Variants in ARHGAP32 observed in about 807,000 individuals in gnomAD.
ARHGAP32 encodes the protein Rho GTPase activating protein 32, also known as rho GTPase-activating protein 32.
In ARHGAP32, 51 loss-of-function variants were observed where a neutral mutation model predicts 186.5. The ratio of observed to expected loss-of-function variants is 0.27; its 90% CI spans 0.22 to 0.35. The LOEUF is 0.35. Ranked by LOEUF, ARHGAP32 falls within the 10% of genes least tolerant of loss-of-function variation. ARHGAP32 has a pLI of 1.00. For missense variants in ARHGAP32, 2,186 were observed against 2,623.5 expected (o/e 0.83, Z 3.64); for synonymous variants, 950 against 964.3 (o/e 0.99, Z 0.27).
At chr11:129,066,633 T>C in intron 7 of ARHGAP32, 98 bp downstream of exon 7, 1 of 1,117,832 alleles carries the variant, frequency 8.9e-7, no homozygotes, top group Non-Finnish European at 1.2e-6. Context: ...GGAATCACCC[T>C]GCGTGTTCAG....
At chr11:129,024,227 C>T in intron 11 of ARHGAP32, 6 of 964,762 alleles carry the variant, frequency 6.2e-6, no homozygotes, top group Non-Finnish European at 7.4e-6. Flanking sequence ...CCTAAACTCA[C>T]ACTTGCAGAA....
chr11:129,179,787 A>C (rs769790563), intron 1 of ARHGAP32, among the ~76,000 whole-genome samples: 26 of 147,930 alleles, frequency 1.8e-4, no homozygotes, highest in Admixed American at 3.4e-4. Flanking sequence ...CACTCTGGGG[A>C]CTGTTGTGGG....
At chr11:129,099,529 A>G (rs775710944) in intron 5 of ARHGAP32, among the ~76,000 whole-genome samples, 1 of 152,168 alleles carries the variant, frequency 6.6e-6, no homozygotes, top group African/African-American at 2.4e-5. Context: ...ATGCATTACT[A>G]TATATGGTGG....
intron 2 of ARHGAP32, among the ~76,000 whole-genome samples, chr11:129,150,206 C>A (rs529949369): frequency 4.3e-4 from 65 of 151,412 alleles, no homozygotes; most frequent in African/African-American, 1.5e-3. Flanking sequence ...ATAGGTGTTC[C>A]TGAGGAAGAA....
intron 8 of ARHGAP32, 139 bp downstream of exon 8, chr11:129,064,702 C>T (rs1940628278): frequency 8.1e-6 from 5 of 616,428 alleles, no homozygotes; most frequent in Non-Finnish European, 1.1e-5. Flanking sequence ...TATCACGTAT[C>T]TATCCTCCCA....
intron 11 of ARHGAP32, among the ~76,000 whole-genome samples, chr11:129,030,297 G>A (rs761634603): frequency 1.3e-5 from 2 of 152,162 alleles, no homozygotes; most frequent in Non-Finnish European, 2.9e-5. Flanking sequence ...AGCAAAAAGT[G>A]TTGGAAACTG....
At chr11:129,040,636 T>G (rs894592163) in intron 11 of ARHGAP32, among the ~76,000 whole-genome samples, 8 of 152,224 alleles carry the variant, frequency 5.3e-5, no homozygotes, top group Admixed American at 5.2e-4. Context: ...ACCTATTTTT[T>G]AAATCATTTT....
intron 1 of ARHGAP32, among the ~76,000 whole-genome samples, chr11:129,275,832 T>G (rs573143143): frequency 6.6e-6 from 1 of 152,382 alleles, no homozygotes; most frequent in African/African-American, 2.4e-5. Flanking sequence ...TAAAAATCAT[T>G]CTTAGCCATG....
rs549440971 is a variant in ARHGAP32, at chr11:129,177,061, G to C, written c.117-12634C>G. On this transcript the variant is annotated intron_variant, in intron 1 of 22. Coordinates refer to ENST00000682385, the MANE Select transcript of ARHGAP32 (RefSeq NM_001378024.1). ...CTAGCAAGACTAATAAAGAAAAAAA[G>C]AGAGAAGAATCAAATAGACGCAATA... Among the ~76,000 whole-genome samples, 17 of 150,580 alleles carry C rather than the reference G, an allele frequency of 1.1e-4. No individual in the cohort carries two copies. The South Asian group carries it at 2.7e-3, about 24-fold the overall frequency.
At chr11:129,147,607 C>A (rs1943193554) in intron 2 of ARHGAP32, among the ~76,000 whole-genome samples, 1 of 152,138 alleles carries the variant, frequency 6.6e-6, no homozygotes, top group South Asian at 2.1e-4. Flanking sequence ...GAGAGTAATA[C>A]AGATCATTCC....
chr11:128,966,697 AC>A lies in ARHGAP32; in HGVS notation c.*2209del, dbSNP rs1945229511. 2 of 152,176 alleles carry A rather than the reference AC, an allele frequency of 1.3e-5. No individual in the cohort carries two copies. Among genetic ancestry groups the A allele is most frequent in the Non-Finnish European group, 2.9e-5 (2 of 68,028 alleles). The allele number at this position is 152,176 out of a possible 1,614,324, so 9.4% of individuals were successfully genotyped here. ...ACAAATCCACAAATATTAAAACTGG[AC>A]CGGACTCCCTGGGTTACTTTCTTTA... is the stretch of plus-strand genomic sequence containing the variant. On this transcript the variant is annotated 3_prime_UTR_variant, in exon 23 of 23. Transcript: ENST00000682385.
intron 12 of ARHGAP32, among the ~76,000 whole-genome samples, chr11:128,990,598 G>A (rs1296961854): frequency 6.6e-6 from 1 of 152,184 alleles, no homozygotes. Flanking sequence ...TAAAGATGAA[G>A]GGCAGGTAGA....
intron 10 of ARHGAP32, among the ~76,000 whole-genome samples, chr11:129,043,688 T>G (rs878961995): frequency 6.6e-6 from 1 of 152,182 alleles, no homozygotes; most frequent in Admixed American, 6.5e-5. Flanking sequence ...ACATCCTGAC[T>G]CTATGCAAAT....
chr11:129,010,441 T>G (rs1320074483), intron 11 of ARHGAP32, among the ~76,000 whole-genome samples: 1 of 152,132 alleles, frequency 6.6e-6, no homozygotes, highest in Non-Finnish European at 1.5e-5. Flanking sequence ...ACATTTAAGT[T>G]TTTAATCCAT....
chr11:129,147,658 G>C (rs74445518), intron 2 of ARHGAP32, among the ~76,000 whole-genome samples: 180 of 152,294 alleles, frequency 1.2e-3, no homozygotes, highest in African/African-American at 4.2e-3. Flanking sequence ...AAACAGAACA[G>C]TTTTGCCAGA....
intron 10 of ARHGAP32, among the ~76,000 whole-genome samples, chr11:129,057,851 C>T (rs1225502119): frequency 2.6e-5 from 4 of 151,974 alleles, no homozygotes; most frequent in African/African-American, 7.2e-5. Flanking sequence ...TGACTGATGT[C>T]CTTACAAGAA....
chr11:129,173,569 A>C lies in ARHGAP32; in HGVS notation c.117-9142T>G, dbSNP rs554686031. On this transcript the variant is annotated intron_variant, in intron 1 of 22. Coordinates refer to ENST00000682385, the MANE Select transcript of ARHGAP32 (RefSeq NM_001378024.1). ...GATGAACATCGATGCAAAAATCCTC[A>C]ATAAAATACTGGAAAATTGAATCCA... Among the ~76,000 whole-genome samples the C allele has an allele frequency of 3.3e-5, 5 of 152,336 alleles. No individual in the cohort carries two copies. The South Asian group carries it at 1.0e-3, about 32-fold the overall frequency.
intron 5 of ARHGAP32, among the ~76,000 whole-genome samples, chr11:129,115,945 T>C (rs1434907692): frequency 6.6e-6 from 1 of 152,094 alleles, no homozygotes; most frequent in Non-Finnish European, 1.5e-5. Context: ...GTTTCATAAG[T>C]GCAGAGTTCT....
At chr11:129,091,758 C>T (rs1291368179) in intron 6 of ARHGAP32, among the ~76,000 whole-genome samples, 4 of 152,006 alleles carry the variant, frequency 2.6e-5, no homozygotes, top group Admixed American at 2.0e-4. Context: ...AAACTGAAAT[C>T]CTTGTAGTCC....
Sources: allele counts gnomAD v4.1 joint callset (sites outside exome capture counted in the v4.1 genomes callset), GRCh38; gene constraint gnomAD v4.1.1; transcripts MANE v1.5; gene names NCBI Gene and HGNC (gene_info 2026-07-23, HGNC 2026-07-21).